NRXN3: variants seen among roughly 807,000 people sequenced by gnomAD.
NRXN3 encodes the protein neurexin 3.
A neutral mutation model predicts 137.6 loss-of-function variants in NRXN3; 32 were observed. The observed-to-expected ratio is 0.23, with a 90% CI of 0.18 to 0.31. The LOEUF (loss-of-function observed/expected upper bound fraction) is 0.31, where lower values mean the gene tolerates loss of function less well. Ranked by LOEUF, NRXN3 falls within the 10% of genes least tolerant of loss-of-function variation. NRXN3 has a pLI of 1.00. For missense variants in NRXN3, 1,574 were observed against 2,062.5 expected, an observed-to-expected ratio of 0.76 and a Z score of 4.59; for synonymous variants, 798 against 784.5, an observed-to-expected ratio of 1.02 and a Z score of -0.29.
chr14:79,231,225 T>C (rs1020228420), intron 15 of NRXN3, among the ~76,000 whole-genome samples: 1 of 152,186 alleles, frequency 6.6e-6, no homozygotes, highest in Non-Finnish European at 1.5e-5. Context: ...GGTAAAATGT[T>C]ACCCTGAGGC....
chr14:79,289,619 TAAA>T lies in NRXN3; in HGVS notation c.3263-177592_3263-177590del, dbSNP rs879823228. ...TGGGTGATGAGAGAGAAACTCTATC[TAAA>T]AAAAAAAAATTAATCATGAGAATCC... is the stretch of plus-strand genomic sequence containing the variant. On this transcript the variant is annotated intron_variant, in intron 15 of 20. Transcript: ENST00000335750. Among the ~76,000 whole-genome samples, 10 of 146,642 alleles carry T rather than the reference TAAA, an allele frequency of 6.8e-5. No homozygotes were observed. The East Asian group carries it at 2.0e-3, about 29-fold the overall frequency.
chr14:79,789,764 G>C (rs138778169), intron 19 of NRXN3, among the ~76,000 whole-genome samples: 1 of 152,114 alleles, frequency 6.6e-6, no homozygotes, highest in Admixed American at 6.5e-5. Context: ...ACTGCAACCC[G>C]CTTTATCAGC....
chr14:78,652,670 C>A (rs915098482), intron 6 of NRXN3, among the ~76,000 whole-genome samples: 77 of 152,326 alleles, frequency 5.1e-4, no homozygotes, highest in African/African-American at 1.8e-3. Context: ...ATGGCACTGT[C>A]CATGCATTCA....
chr14:78,921,498 G>A (rs1362247745), intron 10 of NRXN3, among the ~76,000 whole-genome samples: 2 of 152,168 alleles, frequency 1.3e-5, no homozygotes, highest in African/African-American at 2.4e-5. Flanking sequence ...TGGAATGGAC[G>A]GGAAAAATGG....
chr14:79,005,677 G>T (rs1435270845), intron 15 of NRXN3, among the ~76,000 whole-genome samples: 1 of 151,968 alleles, frequency 6.6e-6, no homozygotes, highest in Non-Finnish European at 1.5e-5. Context: ...TTATTGATTT[G>T]GGCTTACCTT....
chr14:78,459,195 A>T (rs1382125863), intron 4 of NRXN3, among the ~76,000 whole-genome samples: 1 of 152,222 alleles, frequency 6.6e-6, no homozygotes, highest in East Asian at 1.9e-4. Flanking sequence ...ATAATGGGAA[A>T]AGTATATGAA....
chr14:78,457,998 G>C (rs1414472072), intron 4 of NRXN3, among the ~76,000 whole-genome samples: 3 of 152,130 alleles, frequency 2.0e-5, no homozygotes. Context: ...ACCTTATCTA[G>C]GGCTGCTGGT....
At chr14:78,563,869 G>A (rs894170066) in intron 4 of NRXN3, among the ~76,000 whole-genome samples, 1 of 152,196 alleles carries the variant, frequency 6.6e-6, no homozygotes, top group African/African-American at 2.4e-5. Context: ...TGAGGAATGG[G>A]ATCATGGGGG....
At chr14:78,238,595 C>A (rs2066661415) in intron 1 of NRXN3, among the ~76,000 whole-genome samples, 1 of 152,250 alleles carries the variant, frequency 6.6e-6, no homozygotes, top group Admixed American at 6.5e-5. Context: ...TTCCCAGAGG[C>A]TGCAGGAATG....
At chr14:79,782,354 C>T (rs1337828596) in intron 19 of NRXN3, among the ~76,000 whole-genome samples, 2 of 152,132 alleles carry the variant, frequency 1.3e-5, no homozygotes, top group Non-Finnish European at 2.9e-5. Context: ...GGGACCTGAG[C>T]TTGGTTCTGT....
At chr14:78,936,458 T>C (rs895348665) in intron 10 of NRXN3, among the ~76,000 whole-genome samples, 1 of 152,180 alleles carries the variant, frequency 6.6e-6, no homozygotes, top group Non-Finnish European at 1.5e-5. Flanking sequence ...TATGGTTACA[T>C]TTATATAAAT....
intron 11 of NRXN3, among the ~76,000 whole-genome samples, chr14:78,961,011 A>G (rs1597926069): frequency 6.9e-6 from 1 of 144,812 alleles, no homozygotes; most frequent in East Asian, 1.9e-4. Context: ...AGTATTTGCT[A>G]ATTTTTTTTT....
chr14:79,535,150 C>T (rs1229898827), intron 16 of NRXN3, among the ~76,000 whole-genome samples: 1 of 152,024 alleles, frequency 6.6e-6, no homozygotes, highest in Non-Finnish European at 1.5e-5. Flanking sequence ...GGAGGAACAC[C>T]TGAAGAAGTT....
At chr14:79,079,259 T>C (rs1384806682) in intron 15 of NRXN3, among the ~76,000 whole-genome samples, 4 of 45,838 alleles carry the variant, frequency 8.7e-5, no homozygotes, top group African/African-American at 3.8e-4. Context: ...ATCTTGGAAT[T>C]TGTGCAAATA....
chr14:79,048,623 CTT>C (rs56880456), intron 15 of NRXN3, among the ~76,000 whole-genome samples: 318 of 146,278 alleles, frequency 2.2e-3, no homozygotes, highest in Admixed American at 2.7e-3. Flanking sequence ...TTCAGTGAGT[CTT>C]TTTTTTTTTT....
intron 3 of NRXN3, among the ~76,000 whole-genome samples, chr14:78,286,585 G>A (rs1200646811): frequency 6.6e-6 from 1 of 152,138 alleles, no homozygotes; most frequent in Admixed American, 6.5e-5. Context: ...AGGGCAGTGG[G>A]TCCCTTTATG....
At chr14:79,596,109 G>T (rs2097856360) in intron 16 of NRXN3, among the ~76,000 whole-genome samples, 1 of 149,502 alleles carries the variant, frequency 6.7e-6, no homozygotes, top group African/African-American at 2.5e-5. Flanking sequence ...TTGCCATTCT[G>T]CCTTGTACGT....
chr14:78,174,613 G>A (rs2059085164), intron 1 of NRXN3, among the ~76,000 whole-genome samples: 1 of 152,170 alleles, frequency 6.6e-6, no homozygotes, highest in Admixed American at 6.5e-5. Flanking sequence ...GAGGCTGCCT[G>A]CCTCTTTGTG....
chr14:78,270,728 T>C (rs968231850), intron 2 of NRXN3, among the ~76,000 whole-genome samples: 3 of 152,254 alleles, frequency 2.0e-5, no homozygotes, highest in Admixed American at 2.0e-4. Flanking sequence ...CAACTTTATA[T>C]GGATTATTTC....
Sources: allele counts gnomAD v4.1 joint callset (sites outside exome capture counted in the v4.1 genomes callset), GRCh38; gene constraint gnomAD v4.1.1; transcripts MANE v1.5; gene names NCBI Gene and HGNC (gene_info 2026-07-23, HGNC 2026-07-21).